The following CATSPERT variants were observed in gnomAD, a reference collection of about 807,000 sequenced individuals.
The protein encoded by CATSPERT is catsper channel auxiliary subunit tau, also known as cation channel sperm-associated targeting subunit tau.
chr2:201,506,968 T>G, the CATSPERT span, among the ~76,000 whole-genome samples: 1 of 152,232 alleles, frequency 6.6e-6, no homozygotes, highest in Non-Finnish European at 1.5e-5. Flanking sequence ...AATAGAATAT[T>G]CATCAGAATC....
chr2:201,564,519 A>G, the CATSPERT span, among the ~76,000 whole-genome samples: 1 of 152,244 alleles, frequency 6.6e-6, no homozygotes, highest in African/African-American at 2.4e-5. Flanking sequence ...AATGATTGCT[A>G]TAAACTGAAA....
chr2:201,546,836 C>T, the CATSPERT span, among the ~76,000 whole-genome samples: 2,848 of 152,202 alleles, frequency 0.019, 33 homozygotes, highest in Non-Finnish European at 0.026. Flanking sequence ...ATGTTCACAG[C>T]AGCATTATTC....
the CATSPERT span, among the ~76,000 whole-genome samples, chr2:201,610,580 G>T: frequency 1.3e-5 from 2 of 152,130 alleles, no homozygotes; most frequent in Non-Finnish European, 2.9e-5. Flanking sequence ...TTCAAAAAAT[G>T]AAGAAGACAG....
At chr2:201,571,166 A>G in the CATSPERT span, among the ~76,000 whole-genome samples, 1 of 152,238 alleles carries the variant, frequency 6.6e-6, no homozygotes, top group Admixed American at 6.5e-5. Context: ...ATGAAGAAGA[A>G]AGGTAAACAT....
At chr2:201,491,030 G>A in the CATSPERT span, 10 of 757,606 alleles carry the variant, frequency 1.3e-5, no homozygotes, top group Non-Finnish European at 2.0e-5. Context: ...GTCTTTCAGA[G>A]GAATTTTTAA....
At chr2:201,613,297 C>T in the CATSPERT span, among the ~76,000 whole-genome samples, 55 of 152,326 alleles carry the variant, frequency 3.6e-4, no homozygotes, top group African/African-American at 1.3e-3. Context: ...TGGGAGACAC[C>T]TCCCAGTAGG....
chr2:201,602,861 T>A, the CATSPERT span, among the ~76,000 whole-genome samples: 1 of 152,174 alleles, frequency 6.6e-6, no homozygotes, highest in African/African-American at 2.4e-5. Context: ...TATATTACTG[T>A]GATATATTTT....
At chr2:201,506,710 T>A in the CATSPERT span, among the ~76,000 whole-genome samples, 1 of 152,042 alleles carries the variant, frequency 6.6e-6, no homozygotes, top group Admixed American at 6.5e-5. Context: ...CCTGCCACCA[T>A]GCCTGGCTAA....
chr2:201,544,826 A>G, the CATSPERT span, among the ~76,000 whole-genome samples: 1 of 149,502 alleles, frequency 6.7e-6, no homozygotes, highest in Non-Finnish European at 1.5e-5. Context: ...CTCTACAAAA[A>G]AAAAAAAAAA....
At chr2:201,589,556 A>C in the CATSPERT span, among the ~76,000 whole-genome samples, 1 of 151,688 alleles carries the variant, frequency 6.6e-6, no homozygotes, top group Non-Finnish European at 1.5e-5. Context: ...AGCCATATGC[A>C]GAAGATTGAA....
chr2:201,581,491 T>TATATAA, the CATSPERT span, among the ~76,000 whole-genome samples: 1 of 40,256 alleles, frequency 2.5e-5, no homozygotes, highest in African/African-American at 1.1e-4. Context: ...TATATATATA[T>TATATAA]ATATATATAT....
the CATSPERT span, among the ~76,000 whole-genome samples, chr2:201,583,800 C>T: frequency 1.3e-5 from 2 of 152,022 alleles, no homozygotes; most frequent in Admixed American, 1.3e-4. Context: ...AAAAATAGAC[C>T]CCCAAAACAC....
the CATSPERT span, among the ~76,000 whole-genome samples, chr2:201,578,811 A>G: frequency 6.6e-6 from 1 of 152,194 alleles, no homozygotes; most frequent in Non-Finnish European, 1.5e-5. Flanking sequence ...AAATTAACTA[A>G]TAAGTAATGT....
the CATSPERT span, among the ~76,000 whole-genome samples, chr2:201,511,515 G>A: frequency 6.6e-6 from 1 of 151,972 alleles, no homozygotes; most frequent in Admixed American, 6.6e-5. Flanking sequence ...TATCATACGA[G>A]TTCTCTTACT....
chr2:201,491,533 T>C, the CATSPERT span: 8 of 1,536,566 alleles, frequency 5.2e-6, no homozygotes, highest in Admixed American at 1.4e-4. Flanking sequence ...ATTGTTATTA[T>C]TTCCTTTCAA....
chr2:201,545,440 A>G, the CATSPERT span: 3 of 776,698 alleles, frequency 3.9e-6, no homozygotes, highest in East Asian at 9.0e-5. Context: ...ATTTCCTAAC[A>G]AAACAGAAAT....
chr2:201,513,116 TA>T, the CATSPERT span, among the ~76,000 whole-genome samples: 22 of 147,074 alleles, frequency 1.5e-4, no homozygotes, highest in African/African-American at 3.7e-4. Context: ...AATAAAAAAA[TA>T]AAAAAAAGAA....
the CATSPERT span, among the ~76,000 whole-genome samples, chr2:201,513,320 A>G: frequency 6.6e-6 from 1 of 152,170 alleles, no homozygotes; most frequent in Non-Finnish European, 1.5e-5. Flanking sequence ...CAGCAAACAT[A>G]TTTAAAAATG....
chr2:201,577,439 A>G, the CATSPERT span, among the ~76,000 whole-genome samples: 1 of 152,208 alleles, frequency 6.6e-6, no homozygotes, highest in East Asian at 1.9e-4. Context: ...TGTCAAAGAG[A>G]TATCTGCACT....
Sources: allele counts gnomAD v4.1 joint callset (sites outside exome capture counted in the v4.1 genomes callset), GRCh38; gene constraint gnomAD v4.1.1; transcripts MANE v1.5; gene names NCBI Gene and HGNC (gene_info 2026-07-23, HGNC 2026-07-21).